GDAP2: variants seen among roughly 807,000 people sequenced by gnomAD.
GDAP2 encodes the protein ganglioside-induced differentiation-associated protein 2.
GDAP2 carries 51 observed loss-of-function variants against 67.0 expected under a neutral mutation model. The ratio of observed to expected loss-of-function variants is 0.76; its 90% CI spans 0.61 to 0.96. The LOEUF (loss-of-function observed/expected upper bound fraction) is 0.96, where lower values mean the gene tolerates loss of function less well. Ranked by LOEUF, GDAP2 falls within the 40% of genes least tolerant of loss-of-function variation. The pLI is 0.00. For synonymous variants in GDAP2, 203 were observed against 207.3 expected, an observed-to-expected ratio of 0.98 and a Z score of 0.18; for missense variants, 547 against 588.3, an observed-to-expected ratio of 0.93 and a Z score of 0.73.
At chr1:117,885,826 A>G (rs1648834610) in intron 10 of GDAP2, among the ~76,000 whole-genome samples, 1 of 152,156 alleles carries the variant, frequency 6.6e-6, no homozygotes, top group Non-Finnish European at 1.5e-5. Flanking sequence ...TCAGTTCCTA[A>G]CAAAACTGAT....
chr1:117,878,954 C>T (rs1028403799), intron 12 of GDAP2, among the ~76,000 whole-genome samples: 53 of 152,202 alleles, frequency 3.5e-4, no homozygotes, highest in Non-Finnish European at 1.8e-4. Flanking sequence ...AAGAAGGTAA[C>T]GTATGCAGGA....
intron 8 of GDAP2, among the ~76,000 whole-genome samples, chr1:117,890,071 G>C (rs1649014207): frequency 6.6e-6 from 1 of 152,102 alleles, no homozygotes; most frequent in Non-Finnish European, 1.5e-5. Flanking sequence ...ATGTGAGACA[G>C]ACATATTACA....
At chr1:117,925,276 G>A (rs1044492877) in intron 1 of GDAP2, among the ~76,000 whole-genome samples, 2 of 151,964 alleles carry the variant, frequency 1.3e-5, no homozygotes, top group Non-Finnish European at 2.9e-5. Context: ...AACATAGTGA[G>A]ACCCCATTTC....
At chr1:117,883,283 A>G in intron 11 of GDAP2, 2 of 469,772 alleles carry the variant, frequency 4.3e-6, no homozygotes, top group Non-Finnish European at 7.6e-6. Flanking sequence ...TGGTAATGTA[A>G]AAAGTTTACA....
At chr1:117,919,337 G>A (rs1650161065) in intron 2 of GDAP2, among the ~76,000 whole-genome samples, 2 of 149,216 alleles carry the variant, frequency 1.3e-5, no homozygotes, top group Non-Finnish European at 2.9e-5. Flanking sequence ...TCACGCCACT[G>A]CACTCCAGCC....
At chr1:117,876,022 T>C (rs1325976671) in intron 13 of GDAP2, among the ~76,000 whole-genome samples, 1 of 152,060 alleles carries the variant, frequency 6.6e-6, no homozygotes, top group Non-Finnish European at 1.5e-5. Context: ...TGATTGTATT[T>C]TGCATGAGGG....
intron 5 of GDAP2, among the ~76,000 whole-genome samples, chr1:117,909,659 A>G (rs932255383): frequency 1.3e-5 from 2 of 152,182 alleles, no homozygotes; most frequent in African/African-American, 2.4e-5. Flanking sequence ...TTAAGGCCTA[A>G]TAAGTCAAAT....
At chr1:117,924,829 T>C (rs1426131445) in intron 1 of GDAP2, among the ~76,000 whole-genome samples, 1 of 152,210 alleles carries the variant, frequency 6.6e-6, no homozygotes, top group Non-Finnish European at 1.5e-5. Context: ...GTTTTGTTGA[T>C]CTGTTCATAA....
At chr1:117,925,107 A>T (rs1650398073) in intron 1 of GDAP2, among the ~76,000 whole-genome samples, 1 of 152,194 alleles carries the variant, frequency 6.6e-6, no homozygotes, top group Admixed American at 6.5e-5. Context: ...TGCTTTTTTA[A>T]GATAACTTTT....
At chr1:117,898,798 C>A (rs1444620118) in intron 7 of GDAP2, among the ~76,000 whole-genome samples, 1 of 152,188 alleles carries the variant, frequency 6.6e-6, no homozygotes, top group Non-Finnish European at 1.5e-5. Context: ...GAAACTATAA[C>A]CTCCATTAGG....
chr1:117,891,978 C>T (rs1213658927), intron 8 of GDAP2, among the ~76,000 whole-genome samples: 1 of 152,036 alleles, frequency 6.6e-6, no homozygotes, highest in Non-Finnish European at 1.5e-5. Context: ...TAAAGATAGA[C>T]TTTGGTTGAC....
At chr1:117,906,638 G>A in intron 5 of GDAP2, 56 bp from the exon 6 acceptor site, 2 of 903,938 alleles carry the variant, frequency 2.2e-6, no homozygotes, top group Non-Finnish European at 3.5e-6. Context: ...TATACATAAA[G>A]AAAAATCAAG....
At chr1:117,886,457 C>G (rs1427582690) in intron 10 of GDAP2, 120 bp downstream of exon 10, 1 of 640,956 alleles carries the variant, frequency 1.6e-6, no homozygotes, top group Non-Finnish European at 2.8e-6. Context: ...CAGGTCTGCT[C>G]CTCTGTCAGT....
intron 3 of GDAP2, among the ~76,000 whole-genome samples, chr1:117,915,636 T>C (rs1650024373): frequency 6.6e-6 from 1 of 152,204 alleles, no homozygotes; most frequent in Admixed American, 6.5e-5. Context: ...TATCAAAAGA[T>C]ATAAGAATGT....
chr1:117,881,948 T>C (rs1267870109), intron 11 of GDAP2, 71 bp from the exon 12 acceptor site: 1 of 794,404 alleles, frequency 1.3e-6, no homozygotes. Flanking sequence ...TATTATAGAC[T>C]ATTAACTATT....
chr1:117,901,994 C>T (rs1017668974), intron 6 of GDAP2, among the ~76,000 whole-genome samples: 30 of 152,312 alleles, frequency 2.0e-4, no homozygotes, highest in Non-Finnish European at 3.4e-4. Flanking sequence ...CCTGCCCTGC[C>T]TTGCCTTTCC....
At chr1:117,893,706 T>A (rs1401560236) in intron 8 of GDAP2, among the ~76,000 whole-genome samples, 1 of 152,298 alleles carries the variant, frequency 6.6e-6, no homozygotes, top group South Asian at 2.1e-4. Context: ...ACAGTTGACA[T>A]AGCTTAGTTA....
intron 8 of GDAP2, among the ~76,000 whole-genome samples, chr1:117,893,176 T>C (rs780587101): frequency 5.3e-5 from 8 of 152,126 alleles, no homozygotes; most frequent in Non-Finnish European, 1.0e-4. Context: ...TCACAGGCAA[T>C]TGAATCTTAA....
At chr1:117,899,895 G>T (rs1370193877) in intron 6 of GDAP2, among the ~76,000 whole-genome samples, 2 of 151,908 alleles carry the variant, frequency 1.3e-5, no homozygotes, top group Non-Finnish European at 2.9e-5. Flanking sequence ...TACTAAAAAA[G>T]ACTGAAATAA....
Sources: allele counts gnomAD v4.1 joint callset (sites outside exome capture counted in the v4.1 genomes callset), GRCh38; gene constraint gnomAD v4.1.1; transcripts MANE v1.5; gene names NCBI Gene and HGNC (gene_info 2026-07-23, HGNC 2026-07-21).